Variants in GRTP1 observed in about 807,000 individuals in gnomAD.
The protein encoded by GRTP1 is growth hormone regulated TBC protein 1.
In GRTP1, 56 loss-of-function variants were observed where a neutral mutation model predicts 38.1. That is an observed-to-expected ratio of 1.47 (90% confidence interval 1.19 to 1.84). GRTP1 has a LOEUF of 1.84. Among genes scored for constraint, GRTP1 ranks in the 40% most tolerant of loss-of-function variants. The pLI is 0.00. For missense variants in GRTP1, 506 were observed against 453.9 expected (o/e 1.11, Z -1.04); for synonymous variants, 217 against 189.5 (o/e 1.14, Z -1.19).
intron 4 of GRTP1, among the ~76,000 whole-genome samples, chr13:113,347,393 CGGG>C (rs2043168922): frequency 1.2e-5 from 1 of 86,914 alleles, no homozygotes; most frequent in African/African-American, 5.0e-5. Flanking sequence ...AGAGCAGACC[CGGG>C]AGGACCTCTG....
At chr13:113,325,503 G>A (rs776017751) in intron 7 of GRTP1, 158 bp downstream of exon 7, 434 of 1,485,322 alleles carry the variant, frequency 2.9e-4, no homozygotes, top group Non-Finnish European at 3.7e-4. Context: ...GAGGCCAGGC[G>A]CAGGGGGCAG....
Position 113,346,217 on chromosome 13 carries a change from TGTGGCTGA to T in GRTP1, c.466-1266_466-1259del, listed in dbSNP as rs1354008626. Among the ~76,000 whole-genome samples the T allele has an allele frequency of 2.1e-3, 276 of 133,118 alleles. 19 individuals are homozygous for T. The highest frequency in any genetic ancestry group is 2.4e-3 in the Non-Finnish European group (149 of 61,404). The allele number at this position is 133,118 out of a possible 152,430, so 87.3% of individuals were successfully genotyped here. A position where few individuals can be genotyped will look rare whatever the true frequency, so the allele number is the denominator to read the frequency against. On this transcript the variant is annotated intron_variant, in intron 4 of 7. Transcript: ENST00000375431. ...CTGAGAGCAGACCCGGGAGGACCTCTGTGGCTGAGAACAGACCCGGGAGGACCTCTGTG... is the reference window on the plus strand; with the variant it reads ...CTGAGAGCAGACCCGGGAGGACCTCTGAACAGACCCGGGAGGACCTCTGTG...
At chr13:113,326,785 C>T (rs562137033) in intron 5 of GRTP1, among the ~76,000 whole-genome samples, 67 of 152,326 alleles carry the variant, frequency 4.4e-4, no homozygotes, top group African/African-American at 1.5e-3. Flanking sequence ...AGGCAACCCA[C>T]GTGTCCGTCG....
intron 5 of GRTP1, among the ~76,000 whole-genome samples, chr13:113,341,201 G>A (rs1176400391): frequency 1.3e-5 from 2 of 151,688 alleles, no homozygotes; most frequent in African/African-American, 4.8e-5. Flanking sequence ...TGGGATATGT[G>A]GATTATACCT....
At chr13:113,357,441 CAAAAAAAAAAA>C (rs368660991) in intron 2 of GRTP1, among the ~76,000 whole-genome samples, 1 of 97,698 alleles carries the variant, frequency 1.0e-5, no homozygotes, top group African/African-American at 4.2e-5. Flanking sequence ...GACACTGCCT[CAAAAAAAAAAA>C]AAAAAAAAAG....
rs567132822 is a variant in GRTP1 at position 113,344,798 on chromosome 13, C to T, written c.562+65G>A. On this transcript the variant is annotated intron_variant, in intron 5 of 7. Transcript: ENST00000375431. Reference sequence around the variant, plus strand: ...TTTTAATTAAATTTTGATTTCTCAGCGGAATCATTTTGGCAGCACCAGAAA... The same window carrying T: ...TTTTAATTAAATTTTGATTTCTCAGTGGAATCATTTTGGCAGCACCAGAAA... 362 of 1,441,282 alleles carry T rather than the reference C, an allele frequency of 2.5e-4. 1 individual carries two copies. In the East Asian group the frequency reaches 3.4e-3, roughly 14 times the overall value. The allele number at this position is 1,441,282 out of a possible 1,614,324, so 89.3% of individuals were successfully genotyped here. A position where few individuals can be genotyped will look rare whatever the true frequency, so the allele number is the denominator to read the frequency against.
chr13:113,356,798 A>C (rs2043395960), intron 2 of GRTP1, among the ~76,000 whole-genome samples: 2 of 152,200 alleles, frequency 1.3e-5, no homozygotes, highest in Non-Finnish European at 2.9e-5. Context: ...ATGTATGATC[A>C]TCTGGACACG....
rs539558852 is a variant in GRTP1, at chr13:113,349,882, C to T, written c.465+967G>A. Among the ~76,000 whole-genome samples, 3 of 151,038 alleles carry T rather than the reference C, an allele frequency of 2.0e-5. No homozygotes were observed. Among genetic ancestry groups the T allele is most frequent in the East Asian group, 4.0e-4 (2 of 5,036 alleles). On this transcript the variant is annotated intron_variant, in intron 4 of 7. Transcript: ENST00000375431. This position sits in a 1 kb window ranked among gnomAD's most constrained non-coding sequence, Gnocchi z 5.0. ...GGGGCATCACTGGGACTGCTAGGTT[C>T]GAACCACCCATCGCGACGATGTCCT... is the stretch of plus-strand genomic sequence containing the variant.
At chr13:113,325,213 T>G in intron 7 of GRTP1, 1 of 1,131,864 alleles carries the variant, frequency 8.8e-7, no homozygotes. Flanking sequence ...GCCCCGAGCC[T>G]CCACTCCCTC....
rs373897364 is a variant in GRTP1 at position 113,363,899 on chromosome 13, T to C, written c.44A>G (p.Tyr15Cys). ...ERSRVPRIDPYGFERPEDFDD... is the reference protein window; with the variant it reads ...ERSRVPRIDPCGFERPEDFDD... ...GAAGTCCTCAGGCCGCTCGAATCCG[T>C]ACGGGTCGATCCTGCAAAACCGAGA... Residue 15 changes from tyrosine to cysteine, a missense_variant, in exon 2 of 8, where the codon TAC (tyrosine) becomes TGC (cysteine). Coordinates refer to ENST00000375431, the MANE Select transcript of GRTP1 (RefSeq NM_024719.4). 2.0e-4 allele frequency: 327 copies of C among 1,610,990 alleles called. No individual in the cohort carries two copies. Among genetic ancestry groups the C allele is most frequent in the Middle Eastern group, 9.9e-4 (6 of 6,072 alleles).
intron 5 of GRTP1, among the ~76,000 whole-genome samples, chr13:113,334,268 T>C (rs9577233): frequency 3.0e-4 from 8 of 26,486 alleles, no homozygotes; most frequent in South Asian, 2.2e-3. Flanking sequence ...GTCCCCACCC[T>C]GCACTGCCAC....
chr13:113,353,894 A>G (rs2043331390), intron 3 of GRTP1, among the ~76,000 whole-genome samples: 1 of 152,048 alleles, frequency 6.6e-6, no homozygotes, highest in Non-Finnish European at 1.5e-5. Flanking sequence ...CTCTGCAAAA[A>G]AATAAAAATT....
Position 113,350,637 on chromosome 13 carries a change from T to G in GRTP1, c.465+212A>C, listed in dbSNP as rs374549400. 1.2e-3 allele frequency among the ~76,000 whole-genome samples: 175 copies of G among 152,172 alleles called. 3 individuals are homozygous for G. In the South Asian group the frequency reaches 0.032, roughly 28 times the overall value. On this transcript the variant is annotated intron_variant, in intron 4 of 7. Transcript: ENST00000375431. ...CGCCCTCTGTGTCCCGTGCTGATTC[T>G]CCTCCCGCCACCTGAGGCCGGAATG...
At position 113,326,057 on chromosome 13, in the gene GRTP1, G is replaced by A. The variant is rs961010405; in HGVS notation, c.597C>T (p.Thr199=). The A allele has an allele frequency of 5.6e-6, 9 of 1,611,852 alleles. No individual in the cohort carries two copies. The highest frequency in any genetic ancestry group is 2.2e-5 in the East Asian group (1 of 44,854). ...CCAGCTCCCCGAGGACCTCCTGGTC[G>A]GTCTTCAGGCCCAGCATGGCCGGGC... ...YYSPAMLGLK[T]DQEVLGELVR... Residue 199 remains threonine, a synonymous_variant, in exon 6 of 8, where the codon ACC becomes ACT. Transcript: ENST00000375431.
chr13:113,346,592 G>A lies in GRTP1; in HGVS notation c.466-1633C>T, dbSNP rs374556382. Reference sequence around the variant, plus strand: ...GACCTCTGTGGCCGAGAACAGACCCGGGAGGACCTCTGTGCCTGACAGTGG... The same window carrying A: ...GACCTCTGTGGCCGAGAACAGACCCAGGAGGACCTCTGTGCCTGACAGTGG... On this transcript the variant is annotated intron_variant, in intron 4 of 7. Coordinates refer to ENST00000375431, the MANE Select transcript of GRTP1 (RefSeq NM_024719.4). Among the ~76,000 whole-genome samples, 33 of 5,484 alleles carry A rather than the reference G, an allele frequency of 6.0e-3. 4 individuals are homozygous for A. Among genetic ancestry groups the A allele is most frequent in the African/African-American group, 6.7e-3 (33 of 4,940 alleles). 3.6% of individuals were successfully genotyped at this position (5,484 alleles called of 152,430 possible).
intron 5 of GRTP1, among the ~76,000 whole-genome samples, chr13:113,328,040 A>C (rs1415590651): frequency 3.3e-5 from 5 of 152,230 alleles, no homozygotes. Context: ...ATCGAGGGCA[A>C]GGTGGTTCCT....
At chr13:113,334,395 A>G (rs1311314258) in intron 5 of GRTP1, among the ~76,000 whole-genome samples, 1 of 151,996 alleles carries the variant, frequency 6.6e-6, no homozygotes, top group African/African-American at 2.4e-5. Flanking sequence ...AAAGGAATCG[A>G]GAAAAACAGA....
intron 2 of GRTP1, among the ~76,000 whole-genome samples, chr13:113,357,518 T>C (rs1176778982): frequency 6.6e-6 from 1 of 151,512 alleles, no homozygotes; most frequent in African/African-American, 2.4e-5. Flanking sequence ...GGATCATGTC[T>C]CAGGTAAGAA....
chr13:113,345,159 G>A (rs1300754812), intron 4 of GRTP1, among the ~76,000 whole-genome samples, 200 bp from the exon 5 acceptor site: 7 of 152,166 alleles, frequency 4.6e-5, no homozygotes, highest in Non-Finnish European at 7.4e-5. Flanking sequence ...TCAAGCTTAC[G>A]TGAAAAGTAA....
Sources: allele counts gnomAD v4.1 joint callset (sites outside exome capture counted in the v4.1 genomes callset), GRCh38; gene constraint gnomAD v4.1.1; non-coding constraint Gnocchi (gnomAD v3.1); transcripts MANE v1.5; gene names NCBI Gene and HGNC (gene_info 2026-07-23, HGNC 2026-07-21).